The following MMP12 variants were observed in gnomAD, a reference collection of about 807,000 sequenced individuals.
MMP12 encodes the protein matrix metallopeptidase 12, also known as macrophage metalloelastase.
MMP12 carries 51 observed loss-of-function variants against 45.2 expected under a neutral mutation model. The ratio of observed to expected loss-of-function variants is 1.13; its 90% CI spans 0.90 to 1.42. MMP12 has a LOEUF of 1.42. MMP12 is among the 40% of genes most tolerant of loss of function. MMP12 has a pLI of 0.00. For missense variants in MMP12, 530 were observed against 570.8 expected, an observed-to-expected ratio of 0.93 and a Z score of 0.73; for synonymous variants, 210 against 193.3, an observed-to-expected ratio of 1.09 and a Z score of -0.72.
At chr11:102,874,764 C>A in intron 1 of MMP12, 72 bp downstream of exon 1, 1 of 1,035,756 alleles carries the variant, frequency 9.7e-7, no homozygotes, top group South Asian at 1.5e-5. Context: ...AACAAACAAA[C>A]AAACTGGTTA....
intron 6 of MMP12, 43 bp downstream of exon 6, chr11:102,867,227 A>G: frequency 6.7e-7 from 1 of 1,484,100 alleles, no homozygotes; most frequent in Non-Finnish European, 9.0e-7. Context: ...AAAAATTTAA[A>G]GGCAGAAACT....
Position 102,867,382 on chromosome 11 carries a change from C to A in MMP12, c.799G>T (p.Glu267Ter). 1 of 1,606,358 alleles carries A rather than the reference C, an allele frequency of 6.2e-7. No homozygotes were observed. Among genetic ancestry groups the A allele is most frequent in the Non-Finnish European group, 8.5e-7 (1 of 1,177,404 alleles). ...TCAGGATTTGGCAAGCGTTGGTTCT[C>A]TTTTGGGTCTCCTGAAAATACATTT... ...GIQSLYGDPK[E>*]NQRLPNPDNS... The change falls in exon 6 of 10, where the codon GAG becomes TAG. Residue 267 changes from glutamate to a stop codon, truncating the protein, a stop_gained. Coordinates refer to ENST00000571244, the MANE Select transcript of MMP12 (RefSeq NM_002426.6). LOFTEE classifies it high-confidence loss of function.
Position 102,871,919 on chromosome 11 carries a change from C to T in MMP12, c.384G>A (p.Glu128=), listed in dbSNP as rs781933284. ...CTTTCCGGATTGCGTAGTCAACATCCTCACGGTTCATGTCAGGTGTGTAAT... is the reference window on the plus strand; with the variant it reads ...CTTTCCGGATTGCGTAGTCAACATCTTCACGGTTCATGTCAGGTGTGTAAT... ...INNYTPDMNR[E]DVDYAIRKAF... The change falls in exon 3 of 10, where the codon GAG becomes GAA. Residue 128 remains glutamate, a synonymous_variant. Transcript: ENST00000571244. The T allele has an allele frequency of 1.2e-6, 2 of 1,613,196 alleles. No homozygotes were observed. Among genetic ancestry groups the T allele is most frequent in the African/African-American group, 2.7e-5 (2 of 74,880 alleles).
At chr11:102,871,527 G>A (rs1859494823) in intron 4 of MMP12, 67 bp downstream of exon 4, 4 of 1,523,132 alleles carry the variant, frequency 2.6e-6, no homozygotes, top group African/African-American at 2.8e-5. Context: ...GAATTTGTTA[G>A]GGTTTTTGTT....
At chr11:102,867,444 C>A in intron 5 of MMP12, 51 bp from the exon 6 acceptor site, 2 of 1,531,172 alleles carry the variant, frequency 1.3e-6, no homozygotes, top group South Asian at 1.3e-5. Context: ...CATTGTAGTT[C>A]AGAGGAGGAA....
intron 4 of MMP12, among the ~76,000 whole-genome samples, 170 bp from the exon 5 acceptor site, chr11:102,868,239 C>CTGTAATGCACAGTCAG (rs1351939393): frequency 1.3e-5 from 2 of 152,284 alleles, no homozygotes; most frequent in East Asian, 3.9e-4. Flanking sequence ...GTTCAGTAGT[C>CTGTAATGCACAGTCAG]TGGGCTGTTC....
intron 4 of MMP12, among the ~76,000 whole-genome samples, chr11:102,868,391 T>C (rs1321213419): frequency 6.6e-6 from 1 of 152,256 alleles, no homozygotes; most frequent in Non-Finnish European, 1.5e-5. Context: ...GTTAGGGACC[T>C]CTGTACTAGT....
chr11:102,873,436 C>A (rs1859538325), intron 1 of MMP12, among the ~76,000 whole-genome samples: 1 of 151,854 alleles, frequency 6.6e-6, no homozygotes, highest in African/African-American at 2.4e-5. Context: ...CTCCTCTGTA[C>A]AAAAAACACA....
At chr11:102,868,127 C>T (rs1555008885) in intron 4 of MMP12, 58 bp from the exon 5 acceptor site, 1 of 1,366,918 alleles carries the variant, frequency 7.3e-7, no homozygotes, top group African/African-American at 1.4e-5. Context: ...TGGACAAGAA[C>T]ACAATATCTG....
At position 102,867,312 on chromosome 11, in the gene MMP12, G is replaced by A. The variant is rs782346697; in HGVS notation, c.869C>T (p.Ala290Val). 6.2e-7 allele frequency: 1 copy of A among 1,609,308 alleles called. No homozygotes were observed. Among genetic ancestry groups the A allele is most frequent in the Non-Finnish European group, 8.5e-7 (1 of 1,177,620 alleles). Residue 290 changes from alanine to valine, a missense_variant, in exon 6 of 10, where the codon GCT (alanine) becomes GTT (valine). Coordinates refer to ENST00000571244, the MANE Select transcript of MMP12 (RefSeq NM_002426.6). ...GATCTTATTTCCCACGGTAGTGACA[G>A]CATCAAAACTCAAATTGGGGTCACA... is the stretch of plus-strand genomic sequence containing the variant. ...ALCDPNLSFD[A>V]VTTVGNKIFF...
At position 102,865,687 on chromosome 11, in the gene MMP12, AT is replaced by A. The variant is rs1859371682; in HGVS notation, c.1205+88del. The A allele has an allele frequency of 2.8e-6, 3 of 1,090,698 alleles. No individual in the cohort carries two copies. In the Admixed American group the frequency reaches 8.4e-5, roughly 30 times the overall value. 67.6% of individuals were successfully genotyped at this position (1,090,698 alleles called of 1,614,324 possible). A position where few individuals can be genotyped will look rare whatever the true frequency, so the allele number is the denominator to read the frequency against. The stretch of plus-strand genomic sequence containing the variant: ...CCTGGAAGGTCAAGGAGCTTTGGGA[AT>A]TTGCGCAGAAAATGTGCCTTCTAGA... On this transcript the variant is annotated intron_variant, in intron 8 of 9. Transcript: ENST00000571244. The surrounding 1 kb of genome is among the most constrained non-coding windows in gnomAD (Gnocchi z 4.1).
intron 7 of MMP12, 44 bp downstream of exon 7, chr11:102,866,271 T>C: frequency 4.0e-6 from 6 of 1,509,468 alleles, no homozygotes; most frequent in Non-Finnish European, 5.3e-6. Flanking sequence ...ATTTATTCTC[T>C]TCCTTGAAGT....
At position 102,867,955 on chromosome 11, in the gene MMP12, G is replaced by A. The variant is rs1555008826; in HGVS notation, c.740C>T (p.Thr247Ile). ...FPTYKYVDIN[T>I]FRLSADDIRG... is the part of the protein sequence containing the mutation. ...TATGTCATCAGCAGAGAGGCGAAAT[G>A]TGTTGATGTCAACATATTTGTAGGT... is the stretch of plus-strand genomic sequence containing the variant. Residue 247 changes from threonine to isoleucine, a missense_variant, in exon 5 of 10, where the codon ACA becomes ATA. By Grantham distance (89) the Thr-to-Ile change is moderately conservative. Transcript: ENST00000571244. 6.2e-7 allele frequency: 1 copy of A among 1,610,096 alleles called. No homozygotes were observed.
chr11:102,869,324 A>G (rs782141447), intron 4 of MMP12, among the ~76,000 whole-genome samples: 1 of 152,096 alleles, frequency 6.6e-6, no homozygotes, highest in Non-Finnish European at 1.5e-5. Flanking sequence ...TTTCTGTATC[A>G]TGGGTCCAGT....
chr11:102,871,454 C>T (rs965654096), intron 4 of MMP12, 140 bp downstream of exon 4: 16 of 1,115,032 alleles, frequency 1.4e-5, no homozygotes, highest in Middle Eastern at 4.9e-4. Context: ...AAATTATAAT[C>T]AGAACAAGAT....
chr11:102,866,384 G>T lies in MMP12; in HGVS notation c.976C>A (p.Pro326Thr). ...TSVNLISSLW[P>T]TLPSGIEAAY... ...GCTTCAATGCCAGATGGCAAGGTTGGCCATAAGGAAGAAATTAAATTAACA... is the reference window on the plus strand; with the variant it reads ...GCTTCAATGCCAGATGGCAAGGTTGTCCATAAGGAAGAAATTAAATTAACA... The change falls in exon 7 of 10, where the codon CCA (proline) becomes ACA (threonine). Residue 326 changes from proline to threonine, a missense_variant. Physicochemically the swap from Pro to Thr is conservative, Grantham distance 38. Coordinates refer to ENST00000571244, the MANE Select transcript of MMP12 (RefSeq NM_002426.6). 1 of 1,606,920 alleles carries T rather than the reference G, an allele frequency of 6.2e-7. No homozygotes were observed. Among genetic ancestry groups the T allele is most frequent in the Non-Finnish European group, 8.5e-7 (1 of 1,176,704 alleles).
chr11:102,867,306 G>A lies in MMP12; in HGVS notation c.875C>T (p.Thr292Ile). Residue 292 changes from threonine (T) to isoleucine (I), a missense_variant, in exon 6 of 10, where the codon ACT (threonine) becomes ATT (isoleucine). Coordinates refer to ENST00000571244, the MANE Select transcript of MMP12 (RefSeq NM_002426.6). ...GAAAAAGATCTTATTTCCCACGGTA[G>A]TGACAGCATCAAAACTCAAATTGGG... ...CDPNLSFDAVTTVGNKIFFFK... is the reference protein window; with the variant it reads ...CDPNLSFDAVITVGNKIFFFK... 2 of 1,609,194 alleles carry A rather than the reference G, an allele frequency of 1.2e-6. No homozygotes were observed. The highest frequency in any genetic ancestry group is 1.7e-6 in the Non-Finnish European group (2 of 1,177,528).
chr11:102,871,776 T>C, intron 3 of MMP12, 28 bp downstream of exon 3: 3 of 1,612,900 alleles, frequency 1.9e-6, no homozygotes, highest in Non-Finnish European at 2.5e-6. Context: ...TCATGCCAAA[T>C]GACAAAGATG....
rs1438466689 is a variant in MMP12, at chr11:102,863,162, A to T, written c.1351T>A (p.Tyr451Asn). 1.2e-6 allele frequency: 2 copies of T among 1,611,192 alleles called. No individual in the cohort carries two copies. The highest frequency in any genetic ancestry group is 2.7e-5 in the African/African-American group (2 of 74,804). ...YFFQGSNQFE[Y>N]DFLLQRITKT... ...GTGATACGTTGGAGTAGGAAGTCAT[A>T]TTCAAATTGGTTAGATCCTTGGAAG... Residue 451 changes from tyrosine (Y) to asparagine (N), a missense_variant, in exon 10 of 10, where the codon TAT (tyrosine) becomes AAT (asparagine). Tyr to Asn is a moderately radical substitution (Grantham distance 143). Transcript: ENST00000571244.
Sources: gnomAD v4.1 joint callset for allele counts (sites outside exome capture counted in the v4.1 genomes callset) on GRCh38, gnomAD v4.1.1 for gene constraint, Gnocchi (gnomAD v3.1) non-coding constraint, MANE v1.5 for transcripts, NCBI Gene and HGNC (gene_info 2026-07-23, HGNC 2026-07-21) for gene names.